The following DNAH10 variants were observed in gnomAD, a reference collection of about 807,000 sequenced individuals.
The protein encoded by DNAH10 is dynein axonemal heavy chain 10, also known as axonemal beta dynein heavy chain 10.
Under a neutral mutation model 506.6 loss-of-function variants are expected in DNAH10, and 348 were observed. The ratio of observed to expected loss-of-function variants is 0.69; its 90% CI spans 0.63 to 0.75. DNAH10 has a LOEUF of 0.75. DNAH10 is among the 30% of genes least tolerant of loss of function. DNAH10 has a pLI of 0.00. For missense variants in DNAH10, 5,179 were observed against 5,787.1 expected (o/e 0.89, Z 3.41); for synonymous variants, 2,059 against 2,198.6 (o/e 0.94, Z 1.78).
At chr12:123,766,483 C>G (rs1957054640) in intron 1 of DNAH10, among the ~76,000 whole-genome samples, 1 of 152,014 alleles carries the variant, frequency 6.6e-6, no homozygotes, top group South Asian at 2.1e-4. Context: ...TTTTTCATGC[C>G]AATTCCTATA....
chr12:123,855,346 C>T (rs966898839), intron 36 of DNAH10, among the ~76,000 whole-genome samples: 1 of 152,054 alleles, frequency 6.6e-6, no homozygotes, highest in Non-Finnish European at 1.5e-5. Context: ...TAAGGCTGGG[C>T]GCAGTGGCTC....
At chr12:123,802,431 G>A (rs1021153334) in intron 16 of DNAH10, among the ~76,000 whole-genome samples, 2 of 152,060 alleles carry the variant, frequency 1.3e-5, no homozygotes, top group Admixed American at 1.3e-4. Context: ...TCAGCCTCCC[G>A]AGTAGCTTGG....
At chr12:123,848,496 G>A (rs567176304) in intron 33 of DNAH10, among the ~76,000 whole-genome samples, 1 of 152,238 alleles carries the variant, frequency 6.6e-6, no homozygotes, top group South Asian at 2.1e-4. Context: ...GAAGAGAAGA[G>A]AAATGGAGTT....
At chr12:123,871,094 A>G (rs932425689) in intron 44 of DNAH10, among the ~76,000 whole-genome samples, 82 of 152,186 alleles carry the variant, frequency 5.4e-4, no homozygotes, top group African/African-American at 1.9e-3. Context: ...GCCAGACCCG[A>G]TGCTGTGGCT....
chr12:123,932,480 A>ATTT (rs11372935), intron 76 of DNAH10: 1,558 of 153,434 alleles, frequency 0.01, 33 homozygotes, highest in African/African-American at 0.037. Context: ...GGTGGTTACC[A>ATTT]TTTTTTTTTT....
chr12:123,879,876 C>A (rs1023186720), intron 50 of DNAH10, 75 bp downstream of exon 50: 4 of 1,527,362 alleles, frequency 2.6e-6, no homozygotes, highest in African/African-American at 1.4e-5. Flanking sequence ...GAGCATCGCG[C>A]GGGTGCCCGG....
intron 37 of DNAH10, among the ~76,000 whole-genome samples, chr12:123,858,358 G>T (rs1951482081): frequency 6.6e-6 from 1 of 152,172 alleles, no homozygotes; most frequent in Non-Finnish European, 1.5e-5. Context: ...AGGGTGTCAG[G>T]CTACCCCGGA....
At chr12:123,865,894 C>T in intron 40 of DNAH10, 57 bp from the exon 41 acceptor site, 3 of 1,484,318 alleles carry the variant, frequency 2.0e-6, no homozygotes, top group Non-Finnish European at 2.7e-6. Flanking sequence ...GGTCCTTAAA[C>T]ATCTAGTTTA....
intron 5 of DNAH10, among the ~76,000 whole-genome samples, chr12:123,779,454 A>G (rs1957561207): frequency 6.6e-6 from 1 of 152,170 alleles, no homozygotes; most frequent in South Asian, 2.1e-4. Context: ...GGAGTCAAGC[A>G]TTTATGTTGC....
intron 11 of DNAH10, among the ~76,000 whole-genome samples, chr12:123,792,887 C>T (rs908095918): frequency 1.3e-5 from 2 of 152,168 alleles, no homozygotes; most frequent in African/African-American, 2.4e-5. Context: ...TTTACTCCTT[C>T]GTTTTGCTGG....
chr12:123,934,262 G>A (rs1211492563), intron 77 of DNAH10: 1 of 697,758 alleles, frequency 1.4e-6, no homozygotes, highest in Non-Finnish European at 2.6e-6. Context: ...AGCTGGGGTT[G>A]CCATGGTGCC....
chr12:123,861,013 C>G lies in DNAH10; in HGVS notation c.6751C>G (p.Leu2251Val), dbSNP rs558583140. ...INTLCQAQTK[L>V]GLTTKLYILN... is the part of the protein sequence containing the mutation. ...TGGCTAAAGCCTCTCTTGATTTAGG[C>G]TTGGGCTGACGACAAAGTTGTACAT... Residue 2251 changes from leucine (L) to valine (V), a missense_variant and splice_region_variant, in exon 39 of 79, where the codon CTT becomes GTT. Leu to Val is a conservative substitution (Grantham distance 32). Coordinates refer to ENST00000673944, the MANE Select transcript of DNAH10 (RefSeq NM_001372106.1). 1 of 1,613,954 alleles carries G rather than the reference C, an allele frequency of 6.2e-7. No individual in the cohort carries two copies. The highest frequency in any genetic ancestry group is 1.1e-5 in the South Asian group (1 of 91,078).
Position 123,875,289 on chromosome 12 carries a change from G to A in DNAH10, c.7997G>A (p.Gly2666Asp), listed in dbSNP as rs757875749. The change falls in exon 47 of 79, where the codon GGC becomes GAC. Residue 2666 changes from glycine (G) to aspartate (D), a missense_variant. Around this residue, in one of 3 missense-constraint regions of DNAH10, gnomAD observed 4,844 missense variants for 5,430.5 expected, o/e 0.89. Coordinates refer to ENST00000673944, the MANE Select transcript of DNAH10 (RefSeq NM_001372106.1). ...IALLKLLLEKGYLYDRGKELN... is the reference protein window; with the variant it reads ...IALLKLLLEKDYLYDRGKELN... ...TTGCTGAAGCTGCTGTTGGAAAAAG[G>A]CTACTTATATGACCGTGGGAAGGAG... 1.7e-5 allele frequency: 27 copies of A among 1,613,164 alleles called. No homozygotes were observed. The Admixed American group carries it at 4.5e-4, about 27-fold the overall frequency.
Position 123,800,361 on chromosome 12 carries a change from T to C in DNAH10, c.2435T>C (p.Val812Ala), listed in dbSNP as rs767038025. Residue 812 changes from valine (V) to alanine (A), a missense_variant, in exon 15 of 79, where the codon GTT (valine) becomes GCT (alanine). Transcript: ENST00000673944. ...GFTVPELARNVALQEDKFLRY... is the reference protein window; with the variant it reads ...GFTVPELARNAALQEDKFLRY... ...ACTGTCCCTGAATTAGCAAGAAATG[T>C]TGCTCTCCAGGAAGACAAATTCCTT... 6.2e-7 allele frequency: 1 copy of C among 1,613,920 alleles called. No individual in the cohort carries two copies. The highest frequency in any genetic ancestry group is 8.5e-7 in the Non-Finnish European group (1 of 1,180,008).
At chr12:123,865,898 T>G in intron 40 of DNAH10, 53 bp from the exon 41 acceptor site, 1 of 1,498,084 alleles carries the variant, frequency 6.7e-7, no homozygotes, top group Non-Finnish European at 8.9e-7. Flanking sequence ...CTTAAACATC[T>G]AGTTTATCTT....
rs1398128410 is a variant in DNAH10 at position 123,787,714 on chromosome 12, C to T, written c.1422-90C>T. The T allele has an allele frequency of 2.7e-6, 4 of 1,496,402 alleles. No individual in the cohort carries two copies. The highest frequency in any genetic ancestry group is 1.2e-5 in the South Asian group (1 of 82,696). The allele number at this position is 1,496,402 out of a possible 1,614,324, so 92.7% of individuals were successfully genotyped here. A position where few individuals can be genotyped will look rare whatever the true frequency, so the allele number is the denominator to read the frequency against. On this transcript the variant is annotated intron_variant, in intron 9 of 78. Coordinates refer to ENST00000673944, the MANE Select transcript of DNAH10 (RefSeq NM_001372106.1). The surrounding 1 kb of genome is among the most constrained non-coding windows in gnomAD (Gnocchi z 4.6). ...ACCAGGGGGGGCGCCCGGGTCAGAG[C>T]TTCACGGGACACTGGCTCCCCAGCC... is the stretch of plus-strand genomic sequence containing the variant.
Position 123,875,252 on chromosome 12 carries a change from C to G in DNAH10, c.7960C>G (p.Gln2654Glu). Residue 2654 changes from glutamine (Q) to glutamate (E), a missense_variant, in exon 47 of 79, where the codon CAG (glutamine) becomes GAG (glutamate). Physicochemically the swap from Gln to Glu is conservative, Grantham distance 29. This residue lies in a region of DNAH10 where 4,844 missense variants were observed against 5,430.5 expected (regional missense o/e 0.89). Transcript: ENST00000673944. ...MPRVDEYGTQ[Q>E]PIALLKLLLE... ...CAAGGTGGATGAATATGGCACGCAG[C>G]AGCCCATTGCCTTGCTGAAGCTGCT... The G allele has an allele frequency of 2.5e-6, 4 of 1,611,202 alleles. No homozygotes were observed. Among genetic ancestry groups the G allele is most frequent in the Non-Finnish European group, 3.4e-6 (4 of 1,178,478 alleles).
intron 33 of DNAH10, 109 bp downstream of exon 33, chr12:123,848,204 G>C: frequency 6.8e-7 from 1 of 1,465,188 alleles, no homozygotes; most frequent in African/African-American, 1.4e-5. Flanking sequence ...GAAGAAGCTA[G>C]TAGAAAACCT....
In DNAH10 at chr12:123,903,800, G is replaced by A. The variant is rs1847121986; in HGVS notation, c.9815+687G>A. On this transcript the variant is annotated intron_variant, in intron 57 of 78. Coordinates refer to ENST00000673944, the MANE Select transcript of DNAH10 (RefSeq NM_001372106.1). The surrounding 1 kb of genome is among the most constrained non-coding windows in gnomAD (Gnocchi z 4.6). ...GGGAGGGAACACTGTCCTGGTGCCA[G>A]CCTCCGCCCACTGCCTCTGCCCCTG... Among the ~76,000 whole-genome samples, 1 of 152,086 alleles carries A rather than the reference G, an allele frequency of 6.6e-6. No homozygotes were observed. Among genetic ancestry groups the A allele is most frequent in the South Asian group, 2.1e-4 (1 of 4,830 alleles).
Sources: gnomAD v4.1 joint callset for allele counts (sites outside exome capture counted in the v4.1 genomes callset) on GRCh38, gnomAD v4.1.1 for gene constraint, gnomAD v4.1.1 regional missense constraint, Gnocchi (gnomAD v3.1) non-coding constraint, MANE v1.5 for transcripts, NCBI Gene and HGNC (gene_info 2026-07-23, HGNC 2026-07-21) for gene names.